Variants in SLCO1B1 observed in about 807,000 individuals in gnomAD.
The protein encoded by SLCO1B1 is OATP-2.
In SLCO1B1, 81 loss-of-function variants were observed where a neutral mutation model predicts 70.1. The ratio of observed to expected loss-of-function variants is 1.16; its 90% CI spans 0.97 to 1.39. The LOEUF is 1.39. SLCO1B1 is among the 40% of genes most tolerant of loss of function. The pLI, the probability that SLCO1B1 is intolerant of heterozygous loss-of-function variation, is 0.00. For missense variants in SLCO1B1, 895 were observed against 799.6 expected (o/e 1.12, Z -1.44); for synonymous variants, 283 against 271.5 (o/e 1.04, Z -0.42).
intron 2 of SLCO1B1, among the ~76,000 whole-genome samples, chr12:21,167,363 A>G (rs1372703929): frequency 1.3e-5 from 2 of 152,306 alleles, no homozygotes; most frequent in East Asian, 3.9e-4. Context: ...GGATGTTTAC[A>G]AGAAGTTCTA....
At chr12:21,159,736 C>T (rs111597100) in intron 2 of SLCO1B1, among the ~76,000 whole-genome samples, 6 of 151,876 alleles carry the variant, frequency 4.0e-5, no homozygotes, top group African/African-American at 1.4e-4. Context: ...TCTAGAAAAC[C>T]CCAAAAGCTC....
chr12:21,133,134 G>A (rs1226000702), intron 1 of SLCO1B1, among the ~76,000 whole-genome samples: 1 of 152,166 alleles, frequency 6.6e-6, no homozygotes, highest in Admixed American at 6.6e-5. Flanking sequence ...TCAAAGATCA[G>A]ATAGTTGTAG....
chr12:21,202,164 A>G (rs201483883), intron 9 of SLCO1B1, among the ~76,000 whole-genome samples: 13 of 152,166 alleles, frequency 8.5e-5, no homozygotes, highest in East Asian at 3.9e-4. Flanking sequence ...AACAATGAGA[A>G]CACATGGACA....
At chr12:21,208,450 T>G (rs1196483789) in intron 11 of SLCO1B1, among the ~76,000 whole-genome samples, 1 of 152,082 alleles carries the variant, frequency 6.6e-6, no homozygotes, top group Non-Finnish European at 1.5e-5. Flanking sequence ...GGTGTGTGGC[T>G]TTGCTTCTGG....
At chr12:21,212,049 G>A (rs979269497) in intron 11 of SLCO1B1, among the ~76,000 whole-genome samples, 4 of 146,546 alleles carry the variant, frequency 2.7e-5, no homozygotes, top group African/African-American at 1.0e-4. Context: ...GTTTTTTTTT[G>A]TGTCTCTATT....
intron 2 of SLCO1B1, among the ~76,000 whole-genome samples, chr12:21,163,835 C>T (rs1272247801): frequency 1.3e-5 from 2 of 151,812 alleles, no homozygotes; most frequent in African/African-American, 4.8e-5. Flanking sequence ...GAGAGGGACA[C>T]AAACATTCAT....
intron 2 of SLCO1B1, among the ~76,000 whole-genome samples, chr12:21,149,922 C>T (rs1024467976): frequency 6.6e-6 from 1 of 152,132 alleles, no homozygotes; most frequent in Non-Finnish European, 1.5e-5. Flanking sequence ...ATCCCACCCC[C>T]ATAGAGCCCA....
At chr12:21,235,217 A>ATGAT (rs1941584784) in intron 14 of SLCO1B1, among the ~76,000 whole-genome samples, 1 of 151,294 alleles carries the variant, frequency 6.6e-6, no homozygotes, top group Admixed American at 6.6e-5. Flanking sequence ...TTTTATAAAT[A>ATGAT]TGATTGCTTC....
chr12:21,176,675 G>A (rs1940824783), intron 4 of SLCO1B1, 101 bp from the exon 5 acceptor site: 1 of 937,210 alleles, frequency 1.1e-6, no homozygotes, highest in Non-Finnish European at 1.7e-6. Context: ...ATTTGGGGAA[G>A]ATAATGGTGC....
rs539073551 is a variant in SLCO1B1 at position 21,233,052 on chromosome 12, A to C, written c.1866-5927A>C. ...CCCAGCCTAGCAAAATACACATAAC[A>C]AAACAGACATTTGTCACCTCATTCA... is the stretch of plus-strand genomic sequence containing the variant. On this transcript the variant is annotated intron_variant, in intron 14 of 14. Transcript: ENST00000256958. Among the ~76,000 whole-genome samples the C allele has an allele frequency of 9.2e-5, 14 of 152,282 alleles. No individual in the cohort carries two copies. The East Asian group carries it at 2.5e-3, about 27-fold the overall frequency.
At chr12:21,150,877 T>C (rs1565666794) in intron 2 of SLCO1B1, among the ~76,000 whole-genome samples, 1 of 152,212 alleles carries the variant, frequency 6.6e-6, no homozygotes, top group Non-Finnish European at 1.5e-5. Flanking sequence ...TGGTTCTTGT[T>C]ACTTGATCTA....
chr12:21,217,903 A>G (rs1941379117), intron 12 of SLCO1B1, among the ~76,000 whole-genome samples: 2 of 152,182 alleles, frequency 1.3e-5, no homozygotes, highest in Non-Finnish European at 2.9e-5. Flanking sequence ...ACAGCTTTCA[A>G]AATTACAGGA....
At chr12:21,146,888 G>A (rs1048277687) in intron 2 of SLCO1B1, among the ~76,000 whole-genome samples, 8 of 152,084 alleles carry the variant, frequency 5.3e-5, no homozygotes, top group Non-Finnish European at 7.4e-5. Flanking sequence ...AGAAGAATGT[G>A]TATTCTGTTG....
chr12:21,139,050 A>G (rs1007142028), intron 1 of SLCO1B1, among the ~76,000 whole-genome samples: 2 of 152,208 alleles, frequency 1.3e-5, no homozygotes, highest in Non-Finnish European at 2.9e-5. Flanking sequence ...ATCAATTGAA[A>G]TAAACCAGGT....
At chr12:21,185,367 T>C (rs1018374285) in intron 7 of SLCO1B1, among the ~76,000 whole-genome samples, 5 of 152,014 alleles carry the variant, frequency 3.3e-5, no homozygotes, top group African/African-American at 1.2e-4. Flanking sequence ...AGTCATAAAG[T>C]CTCAATACAT....
At chr12:21,177,325 T>A (rs1940835038) in intron 5 of SLCO1B1, among the ~76,000 whole-genome samples, 1 of 152,032 alleles carries the variant, frequency 6.6e-6, no homozygotes. Context: ...CAATAGGAAA[T>A]TGACAAAGAA....
intron 12 of SLCO1B1, among the ~76,000 whole-genome samples, chr12:21,222,089 C>A (rs1260709035): frequency 6.6e-6 from 1 of 151,720 alleles, no homozygotes; most frequent in Non-Finnish European, 1.5e-5. Flanking sequence ...ATCTTGAAAT[C>A]ATGATGCATT....
intron 2 of SLCO1B1, 65 bp downstream of exon 2, chr12:21,141,723 C>A (rs1591796322): frequency 2.1e-6 from 2 of 963,796 alleles, no homozygotes; most frequent in South Asian, 1.4e-5. Flanking sequence ...TATAGAAAAG[C>A]AAGTTGTTAA....
At chr12:21,182,373 T>C (rs1940912293) in intron 7 of SLCO1B1, among the ~76,000 whole-genome samples, 2 of 152,154 alleles carry the variant, frequency 1.3e-5, no homozygotes, top group African/African-American at 4.8e-5. Context: ...CAGGGGGTTT[T>C]GCATGTTGGG....
Sources: gnomAD v4.1 joint callset for allele counts (sites outside exome capture counted in the v4.1 genomes callset) on GRCh38, gnomAD v4.1.1 for gene constraint, MANE v1.5 for transcripts, NCBI Gene and HGNC (gene_info 2026-07-23, HGNC 2026-07-21) for gene names.